Variants in TPO observed in about 807,000 individuals in gnomAD.
The protein encoded by TPO is thyroid peroxidase, also known as thyroid microsomal antigen.
TPO carries 78 observed loss-of-function variants against 96.9 expected under a neutral mutation model. The ratio of observed to expected loss-of-function variants is 0.81; its 90% CI spans 0.67 to 0.97. TPO has a LOEUF of 0.97. Ranked by LOEUF, TPO falls within the 50% of genes least tolerant of loss-of-function variation. TPO has a pLI of 0.00. For missense variants in TPO, 1,252 were observed against 1,274.8 expected (o/e 0.98, Z 0.27); for synonymous variants, 547 against 538.0 (o/e 1.02, Z -0.23).
intron 4 of TPO, among the ~76,000 whole-genome samples, chr2:1,435,343 T>C (rs779031911): frequency 6.6e-5 from 10 of 152,220 alleles, no homozygotes; most frequent in Non-Finnish European, 8.8e-5. Flanking sequence ...AATCCTCCAC[T>C]AACTGAATGC....
At chr2:1,531,435 G>A (rs1558425615) in intron 15 of TPO, among the ~76,000 whole-genome samples, 1 of 53,120 alleles carries the variant, frequency 1.9e-5, no homozygotes, top group Non-Finnish European at 2.9e-5. Flanking sequence ...CTCCCACTGT[G>A]AGCAACCTCC....
intron 15 of TPO, among the ~76,000 whole-genome samples, chr2:1,517,947 C>CG: frequency 6.6e-6 from 1 of 151,910 alleles, no homozygotes; most frequent in African/African-American, 2.4e-5. Context: ...GGCTCCCCCC[C>CG]CCAATATGCC....
chr2:1,542,583 A>G lies in TPO; in HGVS notation c.*109A>G, dbSNP rs1483305328. 1.3e-6 allele frequency: 2 copies of G among 1,566,656 alleles called. No individual in the cohort carries two copies. The highest frequency in any genetic ancestry group is 1.4e-5 in the African/African-American group (1 of 73,956). On this transcript the variant is annotated 3_prime_UTR_variant, in exon 17 of 17. Transcript: ENST00000329066. ...AATCAGCAGGACGACTGTTTTCCCA[A>G]CACGGGTAAATCTAGTACCATGTCG...
intron 15 of TPO, among the ~76,000 whole-genome samples, chr2:1,535,568 T>G (rs1472264763): frequency 4.9e-5 from 2 of 41,180 alleles, no homozygotes; most frequent in Non-Finnish European, 8.7e-5. Flanking sequence ...GTGAGCAACC[T>G]CCCCAAATCC....
intron 15 of TPO, among the ~76,000 whole-genome samples, chr2:1,523,455 C>A (rs1375031843): frequency 7.1e-6 from 1 of 141,648 alleles, no homozygotes; most frequent in Non-Finnish European, 1.5e-5. Context: ...CCACTGTGTG[C>A]AACCTCCTCA....
chr2:1,462,158 A>T (rs1668506464), intron 7 of TPO, among the ~76,000 whole-genome samples: 1 of 152,074 alleles, frequency 6.6e-6, no homozygotes, highest in African/African-American at 2.4e-5. Context: ...TCCCTTCCAC[A>T]CGGAGCACAT....
At chr2:1,535,269 CCCCCATACTGTATGCAA>C (rs1679343222) in intron 15 of TPO, among the ~76,000 whole-genome samples, 1 of 18,610 alleles carries the variant, frequency 5.4e-5, no homozygotes, top group South Asian at 1.9e-3. Context: ...CTCCCAAAAT[CCCCCATACTGTATGCAA>C]CCTCCTCAAA....
intron 14 of TPO, among the ~76,000 whole-genome samples, chr2:1,516,037 G>C (rs1674668045): frequency 1.3e-5 from 2 of 152,206 alleles, no homozygotes; most frequent in South Asian, 4.1e-4. Context: ...AAGGAGCTCT[G>C]AGTTCAGAGC....
chr2:1,471,218 T>C (rs894581857), intron 7 of TPO, among the ~76,000 whole-genome samples: 1 of 152,220 alleles, frequency 6.6e-6, no homozygotes. Context: ...CTGGTCCTGA[T>C]AACCTCTGGG....
intron 7 of TPO, among the ~76,000 whole-genome samples, chr2:1,465,385 C>CT (rs1558318473): frequency 6.6e-6 from 1 of 152,184 alleles, no homozygotes; most frequent in East Asian, 1.9e-4. Context: ...TATGCAGGCT[C>CT]TTTTTTGGTT....
chr2:1,382,256 G>A (rs1454533348), intron 1 of TPO, among the ~76,000 whole-genome samples: 1 of 152,108 alleles, frequency 6.6e-6, no homozygotes, highest in Non-Finnish European at 1.5e-5. Context: ...CAGCTCCCAA[G>A]TATAAATGAC....
intron 8 of TPO, among the ~76,000 whole-genome samples, chr2:1,481,485 A>G (rs887779576): frequency 1.3e-5 from 2 of 152,148 alleles, no homozygotes; most frequent in South Asian, 2.1e-4. Context: ...CCAGATATCC[A>G]GGGACCCACA....
At chr2:1,435,694 G>T (rs1280210136) in intron 4 of TPO, among the ~76,000 whole-genome samples, 1 of 152,148 alleles carries the variant, frequency 6.6e-6, no homozygotes, top group Non-Finnish European at 1.5e-5. Flanking sequence ...ACAGGAAATT[G>T]TTTCCTGGGT....
intron 1 of TPO, among the ~76,000 whole-genome samples, chr2:1,388,822 T>C (rs945570121): frequency 3.9e-5 from 6 of 152,200 alleles, no homozygotes; most frequent in African/African-American, 1.4e-4. Context: ...AGCTGTAGAC[T>C]GGAGCTCTTC....
intron 10 of TPO, 36 bp from the exon 11 acceptor site, chr2:1,493,766 C>A (rs758661402): frequency 6.2e-7 from 1 of 1,611,518 alleles, no homozygotes; most frequent in African/African-American, 1.3e-5. Flanking sequence ...AAGTTCAGTT[C>A]TGTGAGAGAA....
At chr2:1,451,231 C>T (rs6747390) in intron 5 of TPO, among the ~76,000 whole-genome samples, 67,383 of 151,914 alleles carry the variant, frequency 0.44, 15,143 homozygotes, top group South Asian at 0.58. Context: ...AAGGACAAAA[C>T]GGATCTTTCC....
At chr2:1,542,351 A>G in intron 16 of TPO, 70 bp from the exon 17 acceptor site, 2 of 1,595,440 alleles carry the variant, frequency 1.3e-6, no homozygotes, top group South Asian at 1.1e-5. Context: ...TCTGTCTTGT[A>G]TCAAGTGTGT....
Position 1,515,571 on chromosome 2 carries a change from C to T in TPO, c.2519-1312C>T, listed in dbSNP as rs537228657. 5.9e-5 allele frequency among the ~76,000 whole-genome samples: 9 copies of T among 152,188 alleles called. No individual in the cohort carries two copies. In the Middle Eastern group the frequency reaches 0.02, roughly 345 times the overall value. On this transcript the variant is annotated intron_variant, in intron 14 of 16. Transcript: ENST00000329066. ...GCTTGCTGAGTGTCCAAGACCCATG[C>T]GAGGAAGACAGCCACGGACACCACC...
chr2:1,438,572 C>T (rs946237813), intron 5 of TPO, among the ~76,000 whole-genome samples: 4 of 147,410 alleles, frequency 2.7e-5, no homozygotes, highest in African/African-American at 1.0e-4. Context: ...GGGGCCACCC[C>T]CCACCCACCC....
Sources: allele counts gnomAD v4.1 joint callset (sites outside exome capture counted in the v4.1 genomes callset), GRCh38; gene constraint gnomAD v4.1.1; transcripts MANE v1.5; gene names NCBI Gene and HGNC (gene_info 2026-07-23, HGNC 2026-07-21).